The following ARPC1B variants were observed in gnomAD, a reference collection of about 807,000 sequenced individuals.
The protein encoded by ARPC1B is actin related protein 2/3 complex subunit 1B, also known as actin-related protein 2/3 complex subunit 1B.
In ARPC1B, 29 loss-of-function variants were observed where a neutral mutation model predicts 46.0. The ratio of observed to expected loss-of-function variants is 0.63; its 90% CI spans 0.47 to 0.86. ARPC1B has a LOEUF of 0.86. ARPC1B is among the 40% of genes least tolerant of loss of function. ARPC1B has a pLI of 0.00. For synonymous variants in ARPC1B, 201 were observed against 213.9 expected (o/e 0.94, Z 0.53); for missense variants, 469 against 529.4 (o/e 0.89, Z 1.12).
At chr7:99,386,830 G>C in intron 3 of ARPC1B, 41 bp downstream of exon 3, 1 of 1,508,398 alleles carries the variant, frequency 6.6e-7, no homozygotes, top group Admixed American at 1.7e-5. Flanking sequence ...GAAAGGAGGT[G>C]GTGGGTTGGG....
rs761120674 is a variant in ARPC1B, at chr7:99,394,479, A to G, written c.1109A>G (p.Lys370Arg). ...KSLESALKDL[K>R]IK ...TTGGAGTCAGCCTTGAAGGACCTCAAGATCAAATGACCTGTGAGGAATATG... is the reference window on the plus strand; with the variant it reads ...TTGGAGTCAGCCTTGAAGGACCTCAGGATCAAATGACCTGTGAGGAATATG... The change falls in exon 10 of 10, where the codon AAG (lysine) becomes AGG (arginine). Residue 370 changes from lysine to arginine, a missense_variant. Coordinates refer to ENST00000646101, the MANE Select transcript of ARPC1B (RefSeq NM_005720.4). 3.5e-5 allele frequency: 57 copies of G among 1,614,000 alleles called. No homozygotes were observed. In the Admixed American group the frequency reaches 6.8e-4, roughly 19 times the overall value.
At position 99,388,090 on chromosome 7, in the gene ARPC1B, G is replaced by A; in HGVS notation, c.221G>A (p.Arg74His). 1 of 1,613,888 alleles carries A rather than the reference G, an allele frequency of 6.2e-7. No homozygotes were observed. Among genetic ancestry groups the A allele is most frequent in the Non-Finnish European group, 8.5e-7 (1 of 1,179,796 alleles). ...SNRIVTCGTD[R>H]NAYVWTLKGR... ...CGTATTGTGACCTGCGGCACAGACC[G>A]CAACGCCTACGTGTGGACGCTGAAG... The change falls in exon 4 of 10, where the codon CGC (arginine) becomes CAC (histidine). Residue 74 changes from arginine to histidine, a missense_variant. By Grantham distance (29) the Arg-to-His change is conservative. Transcript: ENST00000646101.
intron 1 of ARPC1B, among the ~76,000 whole-genome samples, chr7:99,381,390 A>C (rs1397045856): frequency 6.6e-6 from 1 of 152,006 alleles, no homozygotes; most frequent in Non-Finnish European, 1.5e-5. Context: ...ACATGTGCTT[A>C]AAGTGTGGGG....
chr7:99,380,890 C>G (rs530128540), intron 1 of ARPC1B, among the ~76,000 whole-genome samples: 1 of 152,184 alleles, frequency 6.6e-6, no homozygotes, highest in East Asian at 1.9e-4. Flanking sequence ...CTGGGGCCAA[C>G]CAGAGCCTGG....
chr7:99,390,315 G>A (rs539835968), intron 5 of ARPC1B, among the ~76,000 whole-genome samples: 6 of 151,832 alleles, frequency 4.0e-5, no homozygotes, highest in South Asian at 2.1e-4. Flanking sequence ...GGACTCAAGC[G>A]ATCCTCTTGC....
chr7:99,390,964 T>C lies in ARPC1B; in HGVS notation c.572T>C (p.Phe191Ser). The C allele has an allele frequency of 1.2e-6, 2 of 1,613,912 alleles. No individual in the cohort carries two copies. Among genetic ancestry groups the C allele is most frequent in the Non-Finnish European group, 1.7e-6 (2 of 1,179,974 alleles). The change falls in exon 6 of 10, where the codon TTT (phenylalanine) becomes TCT (serine). Residue 191 changes from phenylalanine (F) to serine (S), a missense_variant. Physicochemically the swap from Phe to Ser is radical, Grantham distance 155 (BLOSUM62 -2). Transcript: ENST00000646101. ...APTPWGSKMPFGELMFESSSS... is the reference protein window; with the variant it reads ...APTPWGSKMPSGELMFESSSS... Reference sequence around the variant, plus strand: ...ACCCCGTGGGGCTCCAAGATGCCCTTTGGGGAACTGATGTTCGAATCCAGC... The same window carrying C: ...ACCCCGTGGGGCTCCAAGATGCCCTCTGGGGAACTGATGTTCGAATCCAGC...
chr7:99,392,569 G>C (rs1302508052), intron 7 of ARPC1B, 102 bp from the exon 8 acceptor site: 6 of 1,063,996 alleles, frequency 5.6e-6, no homozygotes, highest in East Asian at 2.8e-5. Context: ...CTGTATCCTT[G>C]AGCTGGCATC....
chr7:99,375,898 C>T (rs1794020535), intron 1 of ARPC1B, among the ~76,000 whole-genome samples: 1 of 152,034 alleles, frequency 6.6e-6, no homozygotes, highest in Non-Finnish European at 1.5e-5. Flanking sequence ...CCTGTCTCTA[C>T]TAAAAATACA....
At position 99,385,749 on chromosome 7, in the gene ARPC1B, G is replaced by C; in HGVS notation, c.35G>C (p.Ser12Thr). The C allele has an allele frequency of 6.2e-7, 1 of 1,611,090 alleles. No individual in the cohort carries two copies. Among genetic ancestry groups the C allele is most frequent in the South Asian group, 1.1e-5 (1 of 90,388 alleles). The stretch of plus-strand genomic sequence containing the variant: ...CACAGCTTCCTGGTGGAGCCCATCA[G>C]CTGCCACGCCTGGAACAAGGACCGC... ...AYHSFLVEPI[S>T]CHAWNKDRTQ... is the part of the protein sequence containing the mutation. Residue 12 changes from serine (S) to threonine (T), a missense_variant, in exon 2 of 10, where the codon AGC becomes ACC. Ser to Thr is a moderately conservative substitution (Grantham distance 58). Transcript: ENST00000646101.
At position 99,392,805 on chromosome 7, in the gene ARPC1B, C is replaced by A. The variant is rs1584412424; in HGVS notation, c.918C>A (p.Asp306Glu). Residue 306 changes from aspartate to glutamate, a missense_variant, in exon 8 of 10, where the codon GAC becomes GAA. Transcript: ENST00000646101. ...LTARERFQNL[D>E]KKASSEGGTA... Reference sequence around the variant, plus strand: ...CCCGCGAGCGCTTCCAGAACCTGGACAAGAAGGCGAGCTCCGAGGGTGGCA... The same window carrying A: ...CCCGCGAGCGCTTCCAGAACCTGGAAAAGAAGGCGAGCTCCGAGGGTGGCA... The A allele has an allele frequency of 1.3e-6, 2 of 1,550,172 alleles. No individual in the cohort carries two copies. The highest frequency in any genetic ancestry group is 2.4e-5 in the East Asian group (1 of 40,918).
Position 99,394,186 on chromosome 7 carries a change from C to A in ARPC1B, c.1080+67C>A, listed in dbSNP as rs1794687298. 3 of 1,502,564 alleles carry A rather than the reference C, an allele frequency of 2.0e-6. No homozygotes were observed. The Admixed American group carries it at 5.3e-5, about 27-fold the overall frequency. The allele number at this position is 1,502,564 out of a possible 1,614,324, so 93.1% of individuals were successfully genotyped here. On this transcript the variant is annotated intron_variant, in intron 9 of 9. Transcript: ENST00000646101. ...TCAACCCTTTCCCCCCATCCCCACT[C>A]CCTGGAGATGACCCCCATCCTTCAC...
In ARPC1B at chr7:99,383,560, G is replaced by A. The variant is rs927011394; in HGVS notation, c.-13-2142G>A. ...AGTGAGTGCATGTCTGATGGTGACT[G>A]CTGAGAAAATTTAATCGGAAATAGG... On this transcript the variant is annotated intron_variant, in intron 1 of 9. Coordinates refer to ENST00000646101, the MANE Select transcript of ARPC1B (RefSeq NM_005720.4). 1.1e-4 allele frequency among the ~76,000 whole-genome samples: 17 copies of A among 152,316 alleles called. No homozygotes were observed. The East Asian group carries it at 3.3e-3, about 29-fold the overall frequency.
chr7:99,380,152 A>G (rs1481449383), intron 1 of ARPC1B, among the ~76,000 whole-genome samples: 1 of 152,170 alleles, frequency 6.6e-6, no homozygotes, highest in Admixed American at 6.5e-5. Flanking sequence ...GGGTGAGCAC[A>G]CGCTGGCTCA....
At chr7:99,376,203 C>T (rs1378376476) in intron 1 of ARPC1B, among the ~76,000 whole-genome samples, 17 of 152,160 alleles carry the variant, frequency 1.1e-4, no homozygotes, top group African/African-American at 2.4e-4. Flanking sequence ...AGCCAGACTC[C>T]GTCTCTAAAT....
At chr7:99,394,148 C>G in intron 9 of ARPC1B, 29 bp downstream of exon 9, 1 of 1,608,148 alleles carries the variant, frequency 6.2e-7, no homozygotes, top group Non-Finnish European at 8.5e-7. Flanking sequence ...GGCTTCCCGC[C>G]ATGCCTCCCA....
intron 4 of ARPC1B, chr7:99,389,587 C>G: frequency 3.5e-6 from 1 of 284,644 alleles, no homozygotes; most frequent in Non-Finnish European, 6.8e-6. Flanking sequence ...ATCTGAGAGA[C>G]CCAAATTTGC....
chr7:99,377,834 T>C (rs550507286), intron 1 of ARPC1B, among the ~76,000 whole-genome samples: 5 of 151,986 alleles, frequency 3.3e-5, no homozygotes, highest in Admixed American at 3.3e-4. Context: ...GGTTTTACCA[T>C]GTTGGGCAGG....
chr7:99,385,971 C>T (rs1794379575), intron 2 of ARPC1B, among the ~76,000 whole-genome samples, 193 bp downstream of exon 2: 1 of 152,176 alleles, frequency 6.6e-6, no homozygotes, highest in Non-Finnish European at 1.5e-5. Flanking sequence ...AGGGAATGGG[C>T]CAGTTGCGGT....
chr7:99,380,753 G>A (rs1360986917), intron 1 of ARPC1B, among the ~76,000 whole-genome samples: 3 of 152,198 alleles, frequency 2.0e-5, no homozygotes, highest in Non-Finnish European at 4.4e-5. Flanking sequence ...CTGATGCTGG[G>A]ATGTCAGAGT....
Sources: gnomAD v4.1 joint callset for allele counts (sites outside exome capture counted in the v4.1 genomes callset) on GRCh38, gnomAD v4.1.1 for gene constraint, MANE v1.5 for transcripts, NCBI Gene and HGNC (gene_info 2026-07-23, HGNC 2026-07-21) for gene names.